Variants in DCLK2 observed in about 807,000 individuals in gnomAD.
DCLK2 encodes serine/threonine-protein kinase DCLK2.
A neutral mutation model predicts 78.4 loss-of-function variants in DCLK2; 31 were observed. That is an observed-to-expected ratio of 0.40 (90% CI 0.30 to 0.53). DCLK2 has a LOEUF of 0.53. Ranked by LOEUF, DCLK2 falls within the 20% of genes least tolerant of loss-of-function variation. The probability of loss-of-function intolerance (pLI) is 0.61; values close to 1 mark genes in which losing one functional copy is unlikely to be tolerated. For missense variants in DCLK2, 872 were observed against 973.7 expected (o/e 0.90, Z 1.39); for synonymous variants, 407 against 374.9 (o/e 1.09, Z -0.99).
chr4:150,157,850 A>G (rs547774162), intron 2 of DCLK2, among the ~76,000 whole-genome samples: 4 of 151,490 alleles, frequency 2.6e-5, no homozygotes, highest in South Asian at 4.2e-4. Context: ...CTGGTCTTGA[A>G]CTCTCTGAGC....
At chr4:150,170,332 C>T (rs1736431380) in intron 2 of DCLK2, among the ~76,000 whole-genome samples, 1 of 152,070 alleles carries the variant, frequency 6.6e-6, no homozygotes, top group East Asian at 1.9e-4. Flanking sequence ...GCATGAGCCA[C>T]CATGCCCGGC....
intron 1 of DCLK2, among the ~76,000 whole-genome samples, chr4:150,090,361 G>A (rs1415460578): frequency 6.6e-6 from 1 of 152,146 alleles, no homozygotes; most frequent in Non-Finnish European, 1.5e-5. Flanking sequence ...ATCCAAGATC[G>A]CGCCATTACA....
chr4:150,114,847 C>A (rs1731958393), intron 2 of DCLK2, among the ~76,000 whole-genome samples: 1 of 152,214 alleles, frequency 6.6e-6, no homozygotes, highest in Non-Finnish European at 1.5e-5. Context: ...CTTTAGATAG[C>A]ATGATGACTG....
Position 150,240,483 on chromosome 4 carries a change from G to A in DCLK2, c.1778+7G>A, listed in dbSNP as rs200772748. The A allele has an allele frequency of 1.3e-3, 2,037 of 1,607,934 alleles. 8 individuals are homozygous for A. Among genetic ancestry groups the A allele is most frequent in the African/African-American group, 5.8e-3 (433 of 74,786 alleles). On this transcript the variant is annotated splice_region_variant and intron_variant, in intron 12 of 15. Transcript: ENST00000296550. ...GATTCCCACCATTCCGAAGGTAGGC[G>A]GCCTTTTGGGCGACGTATTTGAATT...
Position 150,091,516 on chromosome 4 carries a change from T to C in DCLK2, c.422-10962T>C, listed in dbSNP as rs1333776462. Among the ~76,000 whole-genome samples, 5 of 152,274 alleles carry C rather than the reference T, an allele frequency of 3.3e-5. No individual in the cohort carries two copies. In the East Asian group the frequency reaches 9.6e-4, roughly 29 times the overall value. ...TTTTCCTTTTTATCATTAAGTTCAG[T>C]GCTTGCTTCTACTCCTAGAGTTAGG... On this transcript the variant is annotated intron_variant, in intron 1 of 15. Transcript: ENST00000296550.
chr4:150,192,020 C>A (rs1738490387), intron 2 of DCLK2, among the ~76,000 whole-genome samples: 1 of 151,924 alleles, frequency 6.6e-6, no homozygotes, highest in Non-Finnish European at 1.5e-5. Context: ...TACCACATAT[C>A]CCATTGAAAA....
At chr4:150,239,256 GA>G (rs1334491793) in intron 10 of DCLK2, among the ~76,000 whole-genome samples, 1 of 152,162 alleles carries the variant, frequency 6.6e-6, no homozygotes, top group Non-Finnish European at 1.5e-5. Flanking sequence ...TCTCTGAAGA[GA>G]AAAAAATTAG....
At chr4:150,112,899 C>T (rs1731797656) in intron 2 of DCLK2, among the ~76,000 whole-genome samples, 1 of 144,184 alleles carries the variant, frequency 6.9e-6, no homozygotes, top group Admixed American at 7.5e-5. Context: ...CAACCACTGC[C>T]TCCTGGGTTC....
intron 2 of DCLK2, among the ~76,000 whole-genome samples, chr4:150,135,873 C>A (rs1215746785): frequency 6.6e-6 from 1 of 152,196 alleles, no homozygotes; most frequent in Non-Finnish European, 1.5e-5. Flanking sequence ...AAGGAAGCTG[C>A]TTGCTTATGG....
At chr4:150,155,180 A>G (rs1286507471) in intron 2 of DCLK2, among the ~76,000 whole-genome samples, 2 of 152,232 alleles carry the variant, frequency 1.3e-5, no homozygotes, top group Non-Finnish European at 2.9e-5. Context: ...GCAGTGAGCC[A>G]TGATTGTGCC....
At chr4:150,255,233 G>A (rs1052753864) in intron 15 of DCLK2, among the ~76,000 whole-genome samples, 1 of 152,184 alleles carries the variant, frequency 6.6e-6, no homozygotes, top group African/African-American at 2.4e-5. Flanking sequence ...AGCTAAAGGT[G>A]CCTGGGAACT....
At chr4:150,181,885 A>G (rs189611488) in intron 2 of DCLK2, among the ~76,000 whole-genome samples, 138 of 152,274 alleles carry the variant, frequency 9.1e-4, no homozygotes, top group Middle Eastern at 3.4e-3. Context: ...ATTTATGCTC[A>G]TTGTACTCTG....
chr4:150,167,443 A>G (rs1485285348), intron 2 of DCLK2, among the ~76,000 whole-genome samples: 1 of 152,238 alleles, frequency 6.6e-6, no homozygotes, highest in African/African-American at 2.4e-5. Context: ...TTAGGCCTTA[A>G]TAGAATTTAA....
At chr4:150,082,945 G>C (rs182192123) in intron 1 of DCLK2, among the ~76,000 whole-genome samples, 1 of 152,316 alleles carries the variant, frequency 6.6e-6, no homozygotes, top group Admixed American at 6.5e-5. Context: ...GCCTGACCAA[G>C]TCAGGATTCC....
At chr4:150,131,273 C>T (rs764828433) in intron 2 of DCLK2, among the ~76,000 whole-genome samples, 12 of 152,032 alleles carry the variant, frequency 7.9e-5, no homozygotes, top group Non-Finnish European at 1.6e-4. Context: ...CTTCTAGGAG[C>T]AAATTAAACA....
At chr4:150,155,385 GGT>G (rs1449427437) in intron 2 of DCLK2, among the ~76,000 whole-genome samples, 2 of 152,136 alleles carry the variant, frequency 1.3e-5, no homozygotes, top group Admixed American at 1.3e-4. Flanking sequence ...TACAAGCTGA[GGT>G]ATATAATTAG....
At chr4:150,247,756 G>A (rs1176388822) in intron 13 of DCLK2, 57 bp downstream of exon 13, 2 of 1,396,634 alleles carry the variant, frequency 1.4e-6, no homozygotes, top group African/African-American at 2.8e-5. Flanking sequence ...CTCACCCATT[G>A]CACAGGGCTG....
chr4:150,202,828 G>A (rs1378817989), intron 4 of DCLK2, among the ~76,000 whole-genome samples: 1 of 151,950 alleles, frequency 6.6e-6, no homozygotes, highest in African/African-American at 2.4e-5. Context: ...ATCAATACTA[G>A]ATGTTAACTA....
At chr4:150,101,782 T>C (rs1176259273) in intron 1 of DCLK2, among the ~76,000 whole-genome samples, 1 of 152,212 alleles carries the variant, frequency 6.6e-6, no homozygotes, top group African/African-American at 2.4e-5. Context: ...CACATCATTT[T>C]AACTACTTCA....
Sources: allele counts gnomAD v4.1 joint callset (sites outside exome capture counted in the v4.1 genomes callset), GRCh38; gene constraint gnomAD v4.1.1; transcripts MANE v1.5; gene names NCBI Gene and HGNC (gene_info 2026-07-23, HGNC 2026-07-21).